Variants in JAKMIP2 observed in about 807,000 individuals in gnomAD.
JAKMIP2 encodes janus kinase and microtubule interacting protein 2.
In JAKMIP2, 25 loss-of-function variants were observed where a neutral mutation model predicts 115.0. That is an observed-to-expected ratio of 0.22 (90% confidence interval 0.16 to 0.30). JAKMIP2 has a LOEUF of 0.30. JAKMIP2 is among the 10% of genes least tolerant of loss of function. The pLI, the probability that JAKMIP2 is intolerant of heterozygous loss-of-function variation, is 1.00. For synonymous variants in JAKMIP2, 334 were observed against 343.6 expected (o/e 0.97, Z 0.31); for missense variants, 642 against 957.6 (o/e 0.67, Z 4.35).
At chr5:147,675,106 G>A (rs1244672867) in intron 1 of JAKMIP2, among the ~76,000 whole-genome samples, 2 of 152,080 alleles carry the variant, frequency 1.3e-5, no homozygotes, top group Admixed American at 6.6e-5. Context: ...ATGTGCAAAG[G>A]GACAGATACA....
At chr5:147,692,752 T>A (rs535663288) in intron 1 of JAKMIP2, among the ~76,000 whole-genome samples, 1 of 152,210 alleles carries the variant, frequency 6.6e-6, no homozygotes, top group Admixed American at 6.5e-5. Context: ...GCGGAAACGG[T>A]CCATTTGAAA....
At chr5:147,660,792 C>T (rs1758915826) in intron 3 of JAKMIP2, 156 bp downstream of exon 3, 2 of 772,328 alleles carry the variant, frequency 2.6e-6, no homozygotes, top group East Asian at 5.1e-5. Flanking sequence ...ATCTACCTAC[C>T]TACATACTGA....
At chr5:147,595,109 T>C (rs1164744792) in intron 21 of JAKMIP2, among the ~76,000 whole-genome samples, 2 of 152,222 alleles carry the variant, frequency 1.3e-5, no homozygotes, top group Non-Finnish European at 2.9e-5. Flanking sequence ...AGCCTTTCTA[T>C]GTGCCAACTA....
chr5:147,741,007 A>G (rs898439629), intron 1 of JAKMIP2, among the ~76,000 whole-genome samples: 2 of 152,122 alleles, frequency 1.3e-5, no homozygotes, highest in African/African-American at 4.8e-5. Context: ...ATCGCCTCAT[A>G]TCATATTGGC....
At chr5:147,635,278 T>C (rs1287172594) in intron 12 of JAKMIP2, among the ~76,000 whole-genome samples, 1 of 152,218 alleles carries the variant, frequency 6.6e-6, no homozygotes. Flanking sequence ...TTTAATTGAC[T>C]CTATGTTCAG....
At chr5:147,717,776 A>G (rs1390788727) in intron 1 of JAKMIP2, among the ~76,000 whole-genome samples, 4 of 138,720 alleles carry the variant, frequency 2.9e-5, no homozygotes, top group African/African-American at 8.1e-5. Flanking sequence ...TAGATATACA[A>G]TCATGTCGTC....
intron 3 of JAKMIP2, among the ~76,000 whole-genome samples, chr5:147,653,991 T>G (rs555703601): frequency 6.6e-6 from 1 of 152,320 alleles, no homozygotes; most frequent in East Asian, 1.9e-4. Flanking sequence ...TGCTTGTTTT[T>G]GTCAGGTTTG....
intron 20 of JAKMIP2, among the ~76,000 whole-genome samples, chr5:147,602,857 C>T (rs1755779620): frequency 6.6e-6 from 1 of 152,158 alleles, no homozygotes; most frequent in Admixed American, 6.6e-5. Context: ...AATGCTACTG[C>T]TTATAAGGTT....
rs531382244 is a variant in JAKMIP2 at position 147,611,246 on chromosome 5, T to C, written c.2412+1060A>G. The stretch of plus-strand genomic sequence containing the variant: ...CACTGGGGTATGAAATAAAAACTCA[T>C]GCAGCTAGCTCAGTGTCTGCCCAAA... On this transcript the variant is annotated intron_variant, in intron 20 of 21. Coordinates refer to ENST00000616793, the MANE Select transcript of JAKMIP2 (RefSeq NM_001270941.2). Among the ~76,000 whole-genome samples the C allele has an allele frequency of 4.6e-5, 7 of 152,290 alleles. No individual in the cohort carries two copies. In the South Asian group the frequency reaches 1.4e-3, roughly 32 times the overall value.
chr5:147,746,332 C>G (rs1047197489), intron 1 of JAKMIP2, among the ~76,000 whole-genome samples: 2 of 152,058 alleles, frequency 1.3e-5, no homozygotes, highest in Non-Finnish European at 2.9e-5. Context: ...GCTCGATGAC[C>G]TGGGTTGTAC....
chr5:147,755,500 G>A (rs754208633), intron 1 of JAKMIP2, among the ~76,000 whole-genome samples: 4 of 152,086 alleles, frequency 2.6e-5, no homozygotes, highest in African/African-American at 4.8e-5. Context: ...ATACTTTTGC[G>A]TTCAGACATA....
chr5:147,602,792 A>G (rs1263806764), intron 20 of JAKMIP2, among the ~76,000 whole-genome samples: 2 of 152,212 alleles, frequency 1.3e-5, no homozygotes, highest in Admixed American at 6.5e-5. Flanking sequence ...ACATCTGTGA[A>G]TAAGGGTTAT....
At chr5:147,624,549 G>A (rs1757008534) in intron 16 of JAKMIP2, among the ~76,000 whole-genome samples, 1 of 152,118 alleles carries the variant, frequency 6.6e-6, no homozygotes, top group Non-Finnish European at 1.5e-5. Flanking sequence ...GTGAAGTGGA[G>A]GTGTTCTAAA....
chr5:147,767,807 G>A (rs974948349), intron 1 of JAKMIP2, among the ~76,000 whole-genome samples: 13 of 152,040 alleles, frequency 8.6e-5, no homozygotes, highest in African/African-American at 2.4e-4. Context: ...AATTTTCCTC[G>A]TAGGATTTAA....
rs1334872073 is a variant in JAKMIP2 at position 147,661,153 on chromosome 5, G to A, written c.422C>T (p.Ala141Val). ...GCGCTCTGTGTCAAACAGTTTCCGG[G>A]CCTCCTCCCGGGCCTCAATGGTGAG... ...TALTIEAREE[A>V]RKLFDTERLK... The change falls in exon 3 of 22, where the codon GCC becomes GTC. Residue 141 changes from alanine to valine, a missense_variant. Ala to Val is a moderately conservative substitution (Grantham distance 64). Coordinates refer to ENST00000616793, the MANE Select transcript of JAKMIP2 (RefSeq NM_001270941.2). 1.2e-6 allele frequency: 2 copies of A among 1,613,878 alleles called. No homozygotes were observed. Among genetic ancestry groups the A allele is most frequent in the Non-Finnish European group, 1.7e-6 (2 of 1,180,036 alleles).
intron 2 of JAKMIP2, among the ~76,000 whole-genome samples, chr5:147,668,150 C>G (rs1240889772): frequency 6.6e-6 from 1 of 152,190 alleles, no homozygotes; most frequent in African/African-American, 2.4e-5. Flanking sequence ...CAGCTCCTGT[C>G]TGGAGCTGAT....
intron 1 of JAKMIP2, among the ~76,000 whole-genome samples, chr5:147,681,800 G>C (rs1035038144): frequency 6.6e-6 from 1 of 152,104 alleles, no homozygotes; most frequent in Non-Finnish European, 1.5e-5. Context: ...CCAGCACTTT[G>C]GGAGGCCGAG....
At chr5:147,607,863 G>T (rs1022526805) in intron 20 of JAKMIP2, among the ~76,000 whole-genome samples, 1 of 152,142 alleles carries the variant, frequency 6.6e-6, no homozygotes, top group Non-Finnish European at 1.5e-5. Context: ...CTTCTTATTG[G>T]TCTATTCAGG....
At position 147,731,233 on chromosome 5, in the gene JAKMIP2, T is replaced by A. The variant is rs574854586; in HGVS notation, c.-149+51223A>T. Among the ~76,000 whole-genome samples, 3 of 152,244 alleles carry A rather than the reference T, an allele frequency of 2.0e-5. No homozygotes were observed. The East Asian group carries it at 5.8e-4, about 29-fold the overall frequency. On this transcript the variant is annotated intron_variant, in intron 1 of 21. Transcript: ENST00000616793. Reference sequence around the variant, plus strand: ...TGACCATAAAAGGCACTGCTTGGAATTTTTAGAAAAAGAAATCATGAAAGA... The same window carrying A: ...TGACCATAAAAGGCACTGCTTGGAAATTTTAGAAAAAGAAATCATGAAAGA...
Sources: gnomAD v4.1 joint callset for allele counts (sites outside exome capture counted in the v4.1 genomes callset) on GRCh38, gnomAD v4.1.1 for gene constraint, MANE v1.5 for transcripts, NCBI Gene and HGNC (gene_info 2026-07-23, HGNC 2026-07-21) for gene names.